GLP2R: variants seen among roughly 807,000 people sequenced by gnomAD.
GLP2R encodes glucagon like peptide 2 receptor.
GLP2R carries 59 observed loss-of-function variants against 68.2 expected under a neutral mutation model. That is an observed-to-expected ratio of 0.87 (90% CI 0.70 to 1.07). The LOEUF (loss-of-function observed/expected upper bound fraction) is 1.07, where lower values mean the gene tolerates loss of function less well. Ranked by LOEUF, GLP2R falls within the 50% of genes least tolerant of loss-of-function variation. GLP2R has a pLI of 0.00. For missense variants in GLP2R, 548 were observed against 677.4 expected (o/e 0.81, Z 2.12); for synonymous variants, 270 against 265.4 (o/e 1.02, Z -0.17).
chr17:9,889,338 G>T, intron 12 of GLP2R, 32 bp from the exon 13 acceptor site: 1 of 1,487,376 alleles, frequency 6.7e-7, no homozygotes, highest in South Asian at 1.2e-5. Flanking sequence ...ATGACTCCAA[G>T]ACAGTAACCT....
intron 9 of GLP2R, among the ~76,000 whole-genome samples, chr17:9,867,628 T>C (rs2067051385): frequency 6.6e-6 from 1 of 152,186 alleles, no homozygotes; most frequent in Admixed American, 6.5e-5. Context: ...ATTGGTAAAG[T>C]CTTGATTAGT....
At chr17:9,855,800 G>A (rs2066929637) in intron 5 of GLP2R, among the ~76,000 whole-genome samples, 1 of 152,190 alleles carries the variant, frequency 6.6e-6, no homozygotes, top group Admixed American at 6.5e-5. Context: ...TCACAAACAA[G>A]CAGTCTAGGA....
At chr17:9,869,460 T>C (rs1251175049) in intron 9 of GLP2R, among the ~76,000 whole-genome samples, 1 of 152,218 alleles carries the variant, frequency 6.6e-6, no homozygotes, top group Non-Finnish European at 1.5e-5. Flanking sequence ...CTCCAAGCTC[T>C]ACCCAAACCC....
rs200994739 is a variant in GLP2R, at chr17:9,861,102, C to G, written c.926-37C>G. The G allele has an allele frequency of 3.0e-5, 47 of 1,576,114 alleles. No individual in the cohort carries two copies. In the East Asian group the frequency reaches 5.4e-4, roughly 18 times the overall value. On this transcript the variant is annotated intron_variant, in intron 7 of 12. Coordinates refer to ENST00000262441, the MANE Select transcript of GLP2R (RefSeq NM_004246.3). ...TGGGAGGCAAGCAGGTTTGGCCAACCAACTCCTAACTACATTTCCCTGTGT... is the reference window on the plus strand; with the variant it reads ...TGGGAGGCAAGCAGGTTTGGCCAACGAACTCCTAACTACATTTCCCTGTGT...
chr17:9,831,699 T>C (rs2066681001), intron 1 of GLP2R, among the ~76,000 whole-genome samples: 1 of 152,122 alleles, frequency 6.6e-6, no homozygotes, highest in Admixed American at 6.5e-5. Flanking sequence ...AGGCCTTAAG[T>C]GGAAGACTGT....
chr17:9,830,492 C>T (rs924667981), intron 1 of GLP2R, among the ~76,000 whole-genome samples: 2 of 152,146 alleles, frequency 1.3e-5, no homozygotes, highest in South Asian at 2.1e-4. Context: ...GGCCGTAACT[C>T]AGAGAGAGAT....
intron 4 of GLP2R, among the ~76,000 whole-genome samples, chr17:9,847,450 A>G (rs1567723223): frequency 6.6e-6 from 1 of 151,780 alleles, no homozygotes; most frequent in African/African-American, 2.4e-5. Context: ...TTGTATTTTT[A>G]GTGGAGACGG....
At chr17:9,861,803 A>G (rs904504034) in intron 8 of GLP2R, among the ~76,000 whole-genome samples, 3 of 152,222 alleles carry the variant, frequency 2.0e-5, no homozygotes, top group African/African-American at 7.2e-5. Context: ...GGCTGTTACC[A>G]CTGAAGAGCA....
intron 5 of GLP2R, among the ~76,000 whole-genome samples, chr17:9,856,713 T>C (rs1237625289): frequency 1.3e-5 from 2 of 152,216 alleles, no homozygotes; most frequent in African/African-American, 2.4e-5. Context: ...TGAGAGTTTC[T>C]GTGTCTGAAT....
intron 1 of GLP2R, among the ~76,000 whole-genome samples, chr17:9,830,734 T>G (rs1373878153): frequency 2.0e-5 from 3 of 152,190 alleles, no homozygotes; most frequent in Non-Finnish European, 4.4e-5. Flanking sequence ...GCTTAAGGTA[T>G]TCATGGTGTT....
At chr17:9,849,137 A>G (rs995024505) in intron 4 of GLP2R, among the ~76,000 whole-genome samples, 1 of 151,734 alleles carries the variant, frequency 6.6e-6, no homozygotes, top group African/African-American at 2.4e-5. Flanking sequence ...CATTGATTAT[A>G]TATGATTTTT....
Position 9,842,579 on chromosome 17 carries a change from A to C in GLP2R, c.467A>C (p.Asp156Ala), listed in dbSNP as rs2066797623. 6.2e-7 allele frequency: 1 copy of C among 1,613,820 alleles called. No homozygotes were observed. The highest frequency in any genetic ancestry group is 1.7e-5 in the Admixed American group (1 of 59,978). The change falls in exon 4 of 13, where the codon GAC (aspartate) becomes GCC (alanine). Residue 156 changes from aspartate to alanine, a missense_variant. Physicochemically the swap from Asp to Ala is moderately radical, Grantham distance 126. Transcript: ENST00000262441. ...IENATDIWQD[D>A]SECSENHSFK... is the part of the protein sequence containing the mutation. ...AACGCCACGGATATTTGGCAGGATG[A>C]CTCCGAATGCTCCGAGAACCACAGC...
At chr17:9,859,789 C>T (rs183303072) in intron 6 of GLP2R, among the ~76,000 whole-genome samples, 153 bp from the exon 7 acceptor site, 2 of 135,424 alleles carry the variant, frequency 1.5e-5, no homozygotes, top group East Asian at 4.5e-4. Flanking sequence ...CCTCTGCACT[C>T]CATCCTGGCA....
intron 11 of GLP2R, among the ~76,000 whole-genome samples, chr17:9,885,859 G>A (rs1487870793): frequency 6.6e-6 from 1 of 152,052 alleles, no homozygotes; most frequent in African/African-American, 2.4e-5. Context: ...GGCCATCTCT[G>A]GAGACTAGCT....
chr17:9,860,642 A>G (rs1321114789), intron 7 of GLP2R, among the ~76,000 whole-genome samples: 1 of 152,188 alleles, frequency 6.6e-6, no homozygotes, highest in Admixed American at 6.5e-5. Context: ...CTAAGTAAGT[A>G]CTACCAAAGG....
intron 10 of GLP2R, among the ~76,000 whole-genome samples, chr17:9,876,787 A>C (rs1420518928): frequency 6.6e-6 from 1 of 152,234 alleles, no homozygotes; most frequent in Admixed American, 6.5e-5. Context: ...AAAGACTAAA[A>C]ATGTTACAAA....
chr17:9,852,103 G>A (rs913982204), intron 4 of GLP2R, among the ~76,000 whole-genome samples: 2 of 151,320 alleles, frequency 1.3e-5, no homozygotes, highest in Admixed American at 1.3e-4. Context: ...GTGCAGAACG[G>A]GCAGGTTTGT....
intron 8 of GLP2R, 49 bp downstream of exon 8, chr17:9,861,248 G>C (rs1460791626): frequency 2.5e-6 from 3 of 1,215,532 alleles, no homozygotes; most frequent in Non-Finnish European, 3.7e-6. Context: ...TAATTCCCAG[G>C]CATGCCTAAA....
At chr17:9,868,826 T>G (rs553226177) in intron 9 of GLP2R, among the ~76,000 whole-genome samples, 1 of 152,336 alleles carries the variant, frequency 6.6e-6, no homozygotes, top group Admixed American at 6.5e-5. Flanking sequence ...TGATTGAAAT[T>G]AATTTGCTGA....
Sources: allele counts gnomAD v4.1 joint callset (sites outside exome capture counted in the v4.1 genomes callset), GRCh38; gene constraint gnomAD v4.1.1; transcripts MANE v1.5; gene names NCBI Gene and HGNC (gene_info 2026-07-23, HGNC 2026-07-21).